GPC5: variants seen among roughly 807,000 people sequenced by gnomAD.
GPC5 encodes glypican 5.
GPC5 carries 47 observed loss-of-function variants against 53.9 expected under a neutral mutation model. The ratio of observed to expected loss-of-function variants is 0.87; its 90% CI spans 0.69 to 1.11. The LOEUF is 1.11. Ranked by LOEUF, GPC5 falls within the 50% of genes most tolerant of loss-of-function variation. The pLI is 0.00. For synonymous variants in GPC5, 286 were observed against 263.3 expected (o/e 1.09, Z -0.84); for missense variants, 748 against 713.1 (o/e 1.05, Z -0.56).
chr13:92,559,388 G>A (rs1229097310), intron 7 of GPC5, among the ~76,000 whole-genome samples: 1 of 150,700 alleles, frequency 6.6e-6, no homozygotes, highest in Non-Finnish European at 1.5e-5. Context: ...GGGGGCGCGG[G>A]TGTACTATTT....
At chr13:92,296,952 C>T (rs1280026972) in intron 7 of GPC5, among the ~76,000 whole-genome samples, 1 of 152,212 alleles carries the variant, frequency 6.6e-6, no homozygotes, top group Non-Finnish European at 1.5e-5. Context: ...CTCCCACCCC[C>T]TCCATGGGCT....
In GPC5 at chr13:92,855,727, A is replaced by G. The variant is rs187897469; in HGVS notation, c.1562-10555A>G. Among the ~76,000 whole-genome samples the G allele has an allele frequency of 7.9e-5, 12 of 152,208 alleles. No homozygotes were observed. The East Asian group carries it at 1.2e-3, about 15-fold the overall frequency. ...CCTCAAAGACCACTATGAACATCTCAGTCCCATAAACTAGAAAATCTTGAG... is the reference window on the plus strand; with the variant it reads ...CCTCAAAGACCACTATGAACATCTCGGTCCCATAAACTAGAAAATCTTGAG... On this transcript the variant is annotated intron_variant, in intron 7 of 7. Transcript: ENST00000377067.
At chr13:92,681,437 CACATTCCTT>C (rs2139222678) in intron 7 of GPC5, among the ~76,000 whole-genome samples, 1 of 152,058 alleles carries the variant, frequency 6.6e-6, no homozygotes, top group East Asian at 1.9e-4. Context: ...CACCACTCCT[CACATTCCTT>C]ACATTCCTTT....
chr13:91,404,295 T>C (rs191302946), intron 1 of GPC5, among the ~76,000 whole-genome samples: 157 of 152,356 alleles, frequency 1.0e-3, no homozygotes, highest in African/African-American at 3.7e-3. Flanking sequence ...TATAGATGAA[T>C]GGTCTCTTGG....
At chr13:92,735,729 C>A (rs546197090) in intron 7 of GPC5, among the ~76,000 whole-genome samples, 142 of 152,074 alleles carry the variant, frequency 9.3e-4, no homozygotes, top group African/African-American at 3.3e-3. Context: ...TCAACACAAG[C>A]AAATTACAGT....
At chr13:91,650,383 A>G (rs1171657964) in intron 2 of GPC5, among the ~76,000 whole-genome samples, 1 of 151,800 alleles carries the variant, frequency 6.6e-6, no homozygotes, top group Non-Finnish European at 1.5e-5. Flanking sequence ...GTAACCTTAT[A>G]GTATGTAAAC....
At chr13:92,376,224 A>G (rs1163914030) in intron 7 of GPC5, among the ~76,000 whole-genome samples, 2 of 152,206 alleles carry the variant, frequency 1.3e-5, no homozygotes, top group Non-Finnish European at 2.9e-5. Context: ...TTGATATTTT[A>G]TAATAGCATC....
chr13:91,899,461 A>G (rs541169388), intron 5 of GPC5, among the ~76,000 whole-genome samples: 21 of 152,136 alleles, frequency 1.4e-4, no homozygotes, highest in Non-Finnish European at 2.5e-4. Context: ...AAAATAGAAT[A>G]TGATTTTTGT....
At chr13:92,244,395 C>G (rs554725066) in intron 7 of GPC5, among the ~76,000 whole-genome samples, 45 of 152,242 alleles carry the variant, frequency 3.0e-4, no homozygotes, top group Middle Eastern at 3.4e-3. Flanking sequence ...ATATGTATTA[C>G]CTAAGTTTCA....
At position 92,542,440 on chromosome 13, in the gene GPC5, A is replaced by G. The variant is rs151241266; in HGVS notation, c.1562-323842A>G. On this transcript the variant is annotated intron_variant, in intron 7 of 7. Coordinates refer to ENST00000377067, the MANE Select transcript of GPC5 (RefSeq NM_004466.6). ...CTACATATGAGTGATAACATGTAGT[A>G]TTTATCTTTCGGTGCCTGGCTCATT... Among the ~76,000 whole-genome samples, 371 of 152,040 alleles carry G rather than the reference A, an allele frequency of 2.4e-3. 2 individuals carry two copies. Among genetic ancestry groups the G allele is most frequent in the African/African-American group, 8.6e-3 (356 of 41,494 alleles).
chr13:92,656,595 A>C (rs1431275724), intron 7 of GPC5, among the ~76,000 whole-genome samples: 1 of 152,218 alleles, frequency 6.6e-6, no homozygotes, highest in Non-Finnish European at 1.5e-5. Flanking sequence ...CCCACTCACA[A>C]ACATGCTTTT....
intron 7 of GPC5, among the ~76,000 whole-genome samples, chr13:92,833,283 T>A (rs75598995): frequency 6.6e-6 from 1 of 152,114 alleles, no homozygotes; most frequent in African/African-American, 2.4e-5. Flanking sequence ...TTGTGACTAA[T>A]GTAATAGGGT....
In GPC5 at chr13:92,744,046, G is replaced by T. The variant is rs1016904470; in HGVS notation, c.1562-122236G>T. 5.3e-5 allele frequency among the ~76,000 whole-genome samples: 8 copies of T among 152,058 alleles called. 1 individual carries two copies. Among genetic ancestry groups the T allele is most frequent in the Non-Finnish European group, 1.2e-4 (8 of 68,020 alleles). ...GGTGGAGTGGCAGGGAGGATCCAAA[G>T]AATTGGGAAGGGAATTGCAACAAAC... On this transcript the variant is annotated intron_variant, in intron 7 of 7. Coordinates refer to ENST00000377067, the MANE Select transcript of GPC5 (RefSeq NM_004466.6).
chr13:92,548,984 G>A (rs75025735), intron 7 of GPC5, among the ~76,000 whole-genome samples: 1 of 152,190 alleles, frequency 6.6e-6, no homozygotes, highest in African/African-American at 2.4e-5. Flanking sequence ...GAAGTTTAGA[G>A]ATAAGCATTT....
At chr13:91,811,046 C>T (rs1249587705) in intron 5 of GPC5, among the ~76,000 whole-genome samples, 2 of 151,738 alleles carry the variant, frequency 1.3e-5, no homozygotes, top group East Asian at 1.9e-4. Flanking sequence ...AACACTAACT[C>T]GTGTCTGCCT....
chr13:92,743,986 C>T (rs143742089), intron 7 of GPC5, among the ~76,000 whole-genome samples: 2 of 151,998 alleles, frequency 1.3e-5, no homozygotes, highest in East Asian at 1.9e-4. Flanking sequence ...GATAAATATC[C>T]CTGGCCTCAG....
chr13:91,828,803 G>T (rs1182173495), intron 5 of GPC5, among the ~76,000 whole-genome samples: 2 of 151,786 alleles, frequency 1.3e-5, no homozygotes, highest in East Asian at 3.9e-4. Context: ...ATAAGGAAAT[G>T]AATCAATGAG....
intron 7 of GPC5, among the ~76,000 whole-genome samples, chr13:92,294,369 A>G (rs1342292387): frequency 2.0e-5 from 3 of 151,952 alleles, no homozygotes; most frequent in African/African-American, 4.8e-5. Context: ...TACCATTTCA[A>G]TCTCTCTGCT....
At chr13:92,349,460 T>A (rs1006625383) in intron 7 of GPC5, among the ~76,000 whole-genome samples, 1 of 151,618 alleles carries the variant, frequency 6.6e-6, no homozygotes, top group African/African-American at 2.4e-5. Context: ...TTTCTTTTTT[T>A]TTTTTTTAAT....
Sources: allele counts gnomAD v4.1 joint callset (sites outside exome capture counted in the v4.1 genomes callset), GRCh38; gene constraint gnomAD v4.1.1; transcripts MANE v1.5; gene names NCBI Gene and HGNC (gene_info 2026-07-23, HGNC 2026-07-21).